Variants in PCDH17 observed in about 807,000 individuals in gnomAD.
PCDH17 encodes the protein protocadherin 17.
PCDH17 carries 21 observed loss-of-function variants against 67.7 expected under a neutral mutation model. That is an observed-to-expected ratio of 0.31 (90% confidence interval 0.22 to 0.45). PCDH17 has a LOEUF of 0.45. Among genes scored for constraint, PCDH17 ranks in the 20% least tolerant of loss-of-function variants. PCDH17 has a pLI of 1.00. For missense variants in PCDH17, 1,471 were observed against 1,564.8 expected (o/e 0.94, Z 1.01); for synonymous variants, 701 against 656.7 (o/e 1.07, Z -1.03).
intron 3 of PCDH17, among the ~76,000 whole-genome samples, chr13:57,704,710 A>G (rs1486240917): frequency 6.6e-6 from 1 of 152,094 alleles, no homozygotes; most frequent in Non-Finnish European, 1.5e-5. Flanking sequence ...AAGAAATTGA[A>G]ATAACATGGC....
intron 3 of PCDH17, among the ~76,000 whole-genome samples, chr13:57,719,233 G>A (rs1955851855): frequency 6.6e-6 from 1 of 151,992 alleles, no homozygotes; most frequent in African/African-American, 2.4e-5. Context: ...TGTTAGAAAT[G>A]ATACCAACTA....
rs563825436 is a variant in PCDH17 at position 57,633,230 on chromosome 13, G to T, written c.684G>T (p.Gln228His). Residue 228 changes from glutamine (Q) to histidine (H), a missense_variant, in exon 1 of 4, where the codon CAG becomes CAT. Physicochemically the swap from Gln to His is conservative, Grantham distance 24. Around this residue, in one of 3 missense-constraint regions of PCDH17, gnomAD observed 1,163 missense variants for 1,230.0 expected, o/e 0.95. Coordinates refer to ENST00000377918, the MANE Select transcript of PCDH17 (RefSeq NM_001040429.3). The surrounding 1 kb of genome is among the most constrained non-coding windows in gnomAD (Gnocchi z 6.2). ...GGEPPRSATV[Q>H]INVKVIDSND... ...AGCCTCCACGTTCCGCCACCGTACA[G>T]ATCAACGTGAAGGTGATTGACTCCA... 2 of 1,613,376 alleles carry T rather than the reference G, an allele frequency of 1.2e-6. No homozygotes were observed. Among genetic ancestry groups the T allele is most frequent in the Admixed American group, 1.7e-5 (1 of 60,020 alleles).
At chr13:57,662,513 T>A (rs1404114951) in intron 1 of PCDH17, among the ~76,000 whole-genome samples, 2 of 152,196 alleles carry the variant, frequency 1.3e-5, no homozygotes, top group African/African-American at 4.8e-5. Flanking sequence ...AGTGTATTGT[T>A]TTTACTCCTC....
chr13:57,634,595 G>C lies in PCDH17; in HGVS notation c.2049G>C (p.Ser683=). The change falls in exon 1 of 4, where the codon TCG becomes TCC. Residue 683 remains serine (S), a synonymous_variant. Coordinates refer to ENST00000377918, the MANE Select transcript of PCDH17 (RefSeq NM_001040429.3). This position sits in a 1 kb window ranked among gnomAD's most constrained non-coding sequence, Gnocchi z 7.8. ...CAGTGGCCAAGCTCATCATCCGCTC[G>C]GTGAGCGGATCCCTTCCCGAGGGGG... The part of the protein sequence containing the change: ...LSAVAKLIIR[S]VSGSLPEGVP... 1 of 1,613,350 alleles carries C rather than the reference G, an allele frequency of 6.2e-7. No homozygotes were observed.
At chr13:57,663,661 C>T (rs1342311628) in intron 1 of PCDH17, among the ~76,000 whole-genome samples, 4 of 152,182 alleles carry the variant, frequency 2.6e-5, no homozygotes, top group Non-Finnish European at 4.4e-5. Flanking sequence ...CACACAATCT[C>T]TCATTCCTAT....
intron 3 of PCDH17, among the ~76,000 whole-genome samples, chr13:57,717,471 T>C (rs1955828453): frequency 6.6e-6 from 1 of 152,026 alleles, no homozygotes; most frequent in Non-Finnish European, 1.5e-5. Flanking sequence ...CATTTTACTA[T>C]GTCCAAAGGG....
Position 57,724,889 on chromosome 13 carries a change from G to A in PCDH17, c.3075G>A (p.Leu1025=), listed in dbSNP as rs762858454. The part of the protein sequence containing the change: ...VKPYLKAKRA[L]SPLLQEVPSA... ...CTTATTTAAAAGCCAAACGTGCCCT[G>A]AGCCCTCTCCTCCAAGAGGTCCCCT... Residue 1025 remains leucine (L), a synonymous_variant, in exon 4 of 4, where the codon CTG becomes CTA. Transcript: ENST00000377918. 1 of 1,614,128 alleles carries A rather than the reference G, an allele frequency of 6.2e-7. No homozygotes were observed. The highest frequency in any genetic ancestry group is 1.1e-5 in the South Asian group (1 of 91,088).
In PCDH17 at chr13:57,633,447, G is replaced by A. The variant is rs749253149; in HGVS notation, c.901G>A (p.Gly301Ser). The change falls in exon 1 of 4, where the codon GGC (glycine) becomes AGC (serine). Residue 301 changes from glycine to serine, a missense_variant. By Grantham distance (56) the Gly-to-Ser change is moderately conservative (BLOSUM62 0). This residue lies in a region of PCDH17 where 1,163 missense variants were observed against 1,230.0 expected (regional missense o/e 0.95). Transcript: ENST00000377918. This position sits in a 1 kb window ranked among gnomAD's most constrained non-coding sequence, Gnocchi z 6.2. Reference protein sequence around the residue: ...RELFSIDPKTGLIRVKGNLDY... With the variant: ...RELFSIDPKTSLIRVKGNLDY... ...GCTCTTCTCCATCGACCCCAAGACC[G>A]GCCTAATCCGTGTGAAGGGCAATCT... is the stretch of plus-strand genomic sequence containing the variant. The A allele has an allele frequency of 1.9e-6, 3 of 1,613,660 alleles. No homozygotes were observed. The highest frequency in any genetic ancestry group is 2.5e-6 in the Non-Finnish European group (3 of 1,180,020).
intron 3 of PCDH17, among the ~76,000 whole-genome samples, chr13:57,675,498 G>A (rs960548619): frequency 6.6e-6 from 1 of 151,946 alleles, no homozygotes; most frequent in Non-Finnish European, 1.5e-5. Context: ...AGTAAGACAT[G>A]TCCACAAAAT....
intron 3 of PCDH17, 114 bp downstream of exon 3, chr13:57,666,947 A>G: frequency 3.9e-6 from 3 of 760,686 alleles, no homozygotes; most frequent in South Asian, 1.0e-4. Context: ...TAATATATCA[A>G]AGAAACAGCA....
intron 3 of PCDH17, among the ~76,000 whole-genome samples, chr13:57,720,067 T>G (rs1955859884): frequency 6.6e-6 from 1 of 152,068 alleles, no homozygotes; most frequent in African/African-American, 2.4e-5. Flanking sequence ...TGTTTTTATC[T>G]AAGTATTTTT....
chr13:57,667,888 T>A (rs986655304), intron 3 of PCDH17, among the ~76,000 whole-genome samples: 34 of 148,296 alleles, frequency 2.3e-4, no homozygotes, highest in Non-Finnish European at 4.2e-4. Context: ...TACTTATTTA[T>A]ATATATTTTT....
chr13:57,690,006 T>C (rs1371318053), intron 3 of PCDH17, among the ~76,000 whole-genome samples: 1 of 151,856 alleles, frequency 6.6e-6, no homozygotes, highest in Non-Finnish European at 1.5e-5. Context: ...ATGTGAATAT[T>C]TTTAAATGTT....
In PCDH17 at chr13:57,632,463, C is replaced by G; in HGVS notation, c.-84C>G. The G allele has an allele frequency of 2.1e-6, 3 of 1,412,622 alleles. No homozygotes were observed. The highest frequency in any genetic ancestry group is 1.3e-5 in the South Asian group (1 of 76,110). 87.5% of individuals were successfully genotyped at this position (1,412,622 alleles called of 1,614,324 possible). ...TTGTGGCTCGCGTCGCGCGCGCACG[C>G]TGCGCCAGGGCCCCAGGCTGGCGCG... On this transcript the variant is annotated 5_prime_UTR_variant, in exon 1 of 4. Transcript: ENST00000377918.
rs141026237 is a variant in PCDH17 at position 57,634,781 on chromosome 13, C to G, written c.2235C>G (p.Ala745=). 2.9e-5 allele frequency: 46 copies of G among 1,614,004 alleles called. No individual in the cohort carries two copies. The African/African-American group carries it at 5.7e-4, about 20-fold the overall frequency. The change falls in exon 1 of 4, where the codon GCC becomes GCG. Residue 745 remains alanine (A), a synonymous_variant. Transcript: ENST00000377918. This position sits in a 1 kb window ranked among gnomAD's most constrained non-coding sequence, Gnocchi z 7.8. ...KEIRTYNCRI[A]EYSHPQLGGG... Reference sequence around the variant, plus strand: ...TCCGCACTTACAACTGCCGCATCGCCGAGTACAGCCACCCGCAGCTGGGTG... The same window carrying G: ...TCCGCACTTACAACTGCCGCATCGCGGAGTACAGCCACCCGCAGCTGGGTG...
chr13:57,633,110 C>T lies in PCDH17; in HGVS notation c.564C>T (p.Asp188=). 1.2e-6 allele frequency: 2 copies of T among 1,613,510 alleles called. No homozygotes were observed. The highest frequency in any genetic ancestry group is 1.7e-6 in the Non-Finnish European group (2 of 1,179,952). Residue 188 remains aspartate (D), a synonymous_variant, in exon 1 of 4, where the codon GAC becomes GAT. Coordinates refer to ENST00000377918, the MANE Select transcript of PCDH17 (RefSeq NM_001040429.3). The surrounding 1 kb of genome is among the most constrained non-coding windows in gnomAD (Gnocchi z 6.2). ...LFGLDVKSRG[D]GTKFPELVIQ... ...GACTGGACGTTAAGTCCCGCGGCGA[C>T]GGCACCAAGTTCCCAGAACTGGTCA...
Position 57,725,080 on chromosome 13 carries a change from CCTT to C in PCDH17, c.3268_3270del (p.Phe1090del), listed in dbSNP as rs760519224. The stretch of plus-strand genomic sequence containing the variant: ...CCTAGTAAGCAACCAAGAGACCCTC[CCTT>C]CATGGCTTCCGATCAGATGGCAAGG... On this transcript the variant is annotated inframe_deletion, in exon 4 of 4. Coordinates refer to ENST00000377918, the MANE Select transcript of PCDH17 (RefSeq NM_001040429.3). 2.5e-5 allele frequency: 40 copies of C among 1,614,010 alleles called. 2 individuals carry two copies. In the South Asian group the frequency reaches 3.8e-4, roughly 16 times the overall value.
rs1955921490 is a variant in PCDH17 at position 57,727,155 on chromosome 13, C to T, written c.*1861C>T. The T allele has an allele frequency of 1.3e-5, 2 of 152,560 alleles. No individual in the cohort carries two copies. Among genetic ancestry groups the T allele is most frequent in the Non-Finnish European group, 1.5e-5 (1 of 68,006 alleles). 9.5% of individuals were successfully genotyped at this position (152,560 alleles called of 1,614,324 possible). On this transcript the variant is annotated 3_prime_UTR_variant, in exon 4 of 4. Transcript: ENST00000377918. ...GCAGATGGGAAAATGCCTTGATTGACATTTTCTTTCAGCATTTAAAATTTT... is the reference window on the plus strand; with the variant it reads ...GCAGATGGGAAAATGCCTTGATTGATATTTTCTTTCAGCATTTAAAATTTT...
chr13:57,639,125 A>G (rs1954860405), intron 1 of PCDH17, among the ~76,000 whole-genome samples: 1 of 151,946 alleles, frequency 6.6e-6, no homozygotes, highest in African/African-American at 2.4e-5. Context: ...GTAGGAAAGG[A>G]ATGTCCCTTT....
Sources: allele counts gnomAD v4.1 joint callset (sites outside exome capture counted in the v4.1 genomes callset), GRCh38; gene constraint gnomAD v4.1.1; regional missense constraint gnomAD v4.1.1; non-coding constraint Gnocchi (gnomAD v3.1); transcripts MANE v1.5; gene names NCBI Gene and HGNC (gene_info 2026-07-23, HGNC 2026-07-21).